Variants in DMD observed in about 807,000 individuals in gnomAD.
DMD encodes mutant dystrophin.
DMD carries 63 observed loss-of-function variants against 330.1 expected under a neutral mutation model. The observed-to-expected ratio is 0.19, with a 90% CI of 0.16 to 0.24. The LOEUF is 0.24. DMD is among the 10% of genes least tolerant of loss of function. The probability of loss-of-function intolerance (pLI) is 1.00; values close to 1 mark genes in which losing one functional copy is unlikely to be tolerated. For synonymous variants in DMD, 1,223 were observed against 959.8 expected (o/e 1.27, Z -5.07); for missense variants, 3,344 against 2,684.1 (o/e 1.25, Z -5.43).
At position 31,949,574 on chromosome X, in the gene DMD, T is replaced by C. The variant is rs902011854; in HGVS notation, c.6615-17347A>G. ...TTTTTCTACATACAGGATTGTATTGTCTGTGAATAAAGAGAGTTTCATTTC... is the reference window on the plus strand; with the variant it reads ...TTTTTCTACATACAGGATTGTATTGCCTGTGAATAAAGAGAGTTTCATTTC... On this transcript the variant is annotated intron_variant, in intron 45 of 78. Transcript: ENST00000357033. 6.3e-5 allele frequency among the ~76,000 whole-genome samples: 7 copies of C among 111,477 alleles called. 1 individual carries two copies. The highest frequency in any genetic ancestry group is 3.8e-4 in the Admixed American group (4 of 10,469).
At chrX:32,639,618 C>A (rs1037588930) in intron 11 of DMD, among the ~76,000 whole-genome samples, 1 of 111,324 alleles carries the variant, frequency 9.0e-6, no homozygotes, top group African/African-American at 3.3e-5. Flanking sequence ...AAATTTATGT[C>A]CATAAAAGCA....
At chrX:31,686,456 T>C (rs2082695045) in intron 52 of DMD, among the ~76,000 whole-genome samples, 1 of 112,591 alleles carries the variant, frequency 8.9e-6, no homozygotes, top group Non-Finnish European at 1.9e-5. Flanking sequence ...ATGCTTATGC[T>C]AATGATCTCT....
rs145842862 is a variant in DMD, at chrX:32,193,828, T to C, written c.6438+23088A>G. Among the ~76,000 whole-genome samples the C allele has an allele frequency of 4.0e-3, 450 of 111,398 alleles. 6 individuals are homozygous for C. Among genetic ancestry groups the C allele is most frequent in the African/African-American group, 0.014 (426 of 30,639 alleles). ...AAGGTAAATACCTTTGCGTTGTGAG[T>C]CAGGTGTTACATTCCATTTCACAGT... On this transcript the variant is annotated intron_variant, in intron 44 of 78. Coordinates refer to ENST00000357033, the MANE Select transcript of DMD (RefSeq NM_004006.3).
chrX:31,198,643 C>T (rs961152517), intron 67 of DMD, among the ~76,000 whole-genome samples: 4 of 112,192 alleles, frequency 3.6e-5, no homozygotes, highest in African/African-American at 9.7e-5. Flanking sequence ...AATAATTCTT[C>T]GTGCTATGAT....
chrX:32,675,221 A>G (rs1249639098), intron 9 of DMD, among the ~76,000 whole-genome samples: 1 of 111,365 alleles, frequency 9.0e-6, no homozygotes, highest in East Asian at 2.8e-4. Context: ...TCTTACTACA[A>G]CTAGGATGCC....
At position 31,204,199 on chromosome X, in the gene DMD, C is replaced by T. The variant is rs2043821206; in HGVS notation, c.9650-81G>A. 3.4e-6 allele frequency: 3 copies of T among 893,592 alleles called. No individual in the cohort carries two copies. In the African/African-American group the frequency reaches 5.9e-5, roughly 17 times the overall value. 73.6% of individuals were successfully genotyped at this position (893,592 alleles called of 1,213,427 possible). ...CAGAACCTGACATCCAACTCAATTC[C>T]AGTAGCAATTCTCAAGAGTAGCCAG... On this transcript the variant is annotated intron_variant, in intron 66 of 78. Coordinates refer to ENST00000357033, the MANE Select transcript of DMD (RefSeq NM_004006.3).
chrX:32,425,070 A>G (rs1372379500), intron 29 of DMD, among the ~76,000 whole-genome samples: 1 of 111,929 alleles, frequency 8.9e-6, no homozygotes, highest in Non-Finnish European at 1.9e-5. Flanking sequence ...GATTATTTCC[A>G]TTGCGAATAA....
chrX:31,963,176 G>C lies in DMD; in HGVS notation c.6614+5163C>G, dbSNP rs1269661444. 3.8e-4 allele frequency among the ~76,000 whole-genome samples: 43 copies of C among 111,889 alleles called. No individual in the cohort carries two copies. In the Admixed American group the frequency reaches 4.1e-3, roughly 11 times the overall value. ...CAACCAGGCCTACTTTAATGAATTA[G>C]ATAAGGCTCATTTCTAATCAACAGC... On this transcript the variant is annotated intron_variant, in intron 45 of 78. Transcript: ENST00000357033.
In DMD at chrX:31,341,883, G is replaced by GCACACACACA. The variant is rs1556527128; in HGVS notation, c.9163+6672_9163+6673insTGTGTGTGTG. Among the ~76,000 whole-genome samples, 201 of 53,392 alleles carry GCACACACACA rather than the reference G, an allele frequency of 3.8e-3. 1 individual carries two copies. Among genetic ancestry groups the GCACACACACA allele is most frequent in the African/African-American group, 0.021 (193 of 9,192 alleles). 46.4% of individuals were successfully genotyped at this position (53,392 alleles called of 115,157 possible). A position where few individuals can be genotyped will look rare whatever the true frequency, so the allele number is the denominator to read the frequency against. On this transcript the variant is annotated intron_variant, in intron 61 of 78. Coordinates refer to ENST00000357033, the MANE Select transcript of DMD (RefSeq NM_004006.3). Reference sequence around the variant, plus strand: ...TGTGATCTGGCGTGCGCGCGTGCGTGCGCGCGCGCACACACACACACACAC... The same window carrying GCACACACACA: ...TGTGATCTGGCGTGCGCGCGTGCGTGCACACACACACGCGCGCGCACACACACACACACAC...
intron 60 of DMD, among the ~76,000 whole-genome samples, chrX:31,426,805 G>A (rs924604638): frequency 8.9e-6 from 1 of 112,136 alleles, no homozygotes; most frequent in Non-Finnish European, 1.9e-5. Context: ...AGGCTGGCAT[G>A]AAAGCAGGAA....
chrX:32,136,711 A>ATTT (rs2096727238), intron 44 of DMD, among the ~76,000 whole-genome samples: 2 of 112,429 alleles, frequency 1.8e-5, no homozygotes, highest in Non-Finnish European at 3.8e-5. Flanking sequence ...AAAATTAATC[A>ATTT]TCTCATGGTA....
chrX:33,082,054 C>T (rs1193794727), intron 1 of DMD, among the ~76,000 whole-genome samples: 4 of 107,821 alleles, frequency 3.7e-5, no homozygotes, highest in East Asian at 2.9e-4. Flanking sequence ...TAGGGACTCA[C>T]GTGTGCGTTA....
intron 11 of DMD, among the ~76,000 whole-genome samples, chrX:32,616,690 CTTTTTTTTTTTT>C (rs1173392895): frequency 1.2e-4 from 7 of 60,223 alleles, no homozygotes; most frequent in Non-Finnish European, 2.0e-4. Context: ...GTTCTGGTTC[CTTTTTTTTTTTT>C]TTTTTTTTTT....
chrX:31,223,132 G>A lies in DMD; in HGVS notation c.9287-11C>T, dbSNP rs192593321. 1.3e-5 allele frequency: 15 copies of A among 1,194,820 alleles called. No individual in the cohort carries two copies. In the Admixed American group the frequency reaches 2.2e-4, roughly 17 times the overall value. On this transcript the variant is annotated splice_polypyrimidine_tract_variant and intron_variant, in intron 63 of 78. Transcript: ENST00000357033. ...CATTATTCAGGTCAGCTGAAAAGAG[G>A]GAAAACAAAGAGCATTTGTTATTCC...
Position 31,177,945 on chromosome X carries a change from G to C in DMD, c.10249C>G (p.Pro3417Ala), listed in dbSNP as rs373898385. 1.0e-4 allele frequency: 120 copies of C among 1,205,988 alleles called. No individual in the cohort carries two copies. The highest frequency in any genetic ancestry group is 1.3e-4 in the Non-Finnish European group (113 of 892,648). ...AAAAGTACTCACGCAGAATCTACTG[G>C]CCAGAAGTTGATCAGAGTAACGGGA... ...ETPVTLINFW[P>A]VDSAPASSPQ... Residue 3417 changes from proline (P) to alanine (A), a missense_variant, in exon 71 of 79, where the codon CCA becomes GCA. Physicochemically the swap from Pro to Ala is conservative, Grantham distance 27 (BLOSUM62 -1). Coordinates refer to ENST00000357033, the MANE Select transcript of DMD (RefSeq NM_004006.3).
intron 55 of DMD, among the ~76,000 whole-genome samples, chrX:31,594,703 A>G (rs1184118573): frequency 9.0e-6 from 1 of 110,856 alleles, no homozygotes; most frequent in Non-Finnish European, 1.9e-5. Flanking sequence ...CATTATAATT[A>G]TTTGCTGTGC....
At chrX:31,220,523 T>C (rs1481813478) in intron 64 of DMD, among the ~76,000 whole-genome samples, 2 of 111,638 alleles carry the variant, frequency 1.8e-5, no homozygotes, top group Non-Finnish European at 3.8e-5. Context: ...TCTTGGAATT[T>C]TCCTTCTTTC....
intron 44 of DMD, among the ~76,000 whole-genome samples, chrX:32,057,902 A>G (rs1443752204): frequency 9.0e-6 from 1 of 111,146 alleles, no homozygotes. Context: ...ATATAGACCA[A>G]TGGAACAGAA....
intron 43 of DMD, among the ~76,000 whole-genome samples, chrX:32,257,994 G>T (rs1489909173): frequency 9.2e-6 from 1 of 108,990 alleles, no homozygotes; most frequent in Non-Finnish European, 1.9e-5. Context: ...CCATCAGAAA[G>T]TGGGCTAAGG....
Sources: allele counts gnomAD v4.1 joint callset (sites outside exome capture counted in the v4.1 genomes callset), GRCh38; gene constraint gnomAD v4.1.1; transcripts MANE v1.5; gene names NCBI Gene and HGNC (gene_info 2026-07-23, HGNC 2026-07-21).